Variants in OSBPL10 observed in about 807,000 individuals in gnomAD.
OSBPL10 encodes oxysterol binding protein like 10, also known as oxysterol-binding protein-related protein 10.
A neutral mutation model predicts 81.7 loss-of-function variants in OSBPL10; 49 were observed. The ratio of observed to expected loss-of-function variants is 0.60; its 90% CI spans 0.48 to 0.76. OSBPL10 has a LOEUF of 0.76. Among genes scored for constraint, OSBPL10 ranks in the 30% least tolerant of loss-of-function variants. OSBPL10 has a pLI of 0.00. For missense variants in OSBPL10, 923 were observed against 987.8 expected (o/e 0.93, Z 0.88); for synonymous variants, 419 against 383.6 (o/e 1.09, Z -1.08).
chr3:31,775,407 G>A (rs147803918), intron 4 of OSBPL10, among the ~76,000 whole-genome samples: 16 of 152,224 alleles, frequency 1.1e-4, no homozygotes, highest in African/African-American at 3.6e-4. Context: ...AAAGCTGTTG[G>A]AGTCCAGGAT....
At chr3:31,917,643 T>C (rs1295776319) in intron 1 of OSBPL10, among the ~76,000 whole-genome samples, 1 of 148,942 alleles carries the variant, frequency 6.7e-6, no homozygotes, top group Admixed American at 6.8e-5. Flanking sequence ...GCTGTTGAGA[T>C]AGGAAGGAGC....
chr3:31,777,639 T>C (rs1055987872), intron 4 of OSBPL10, among the ~76,000 whole-genome samples: 11 of 152,180 alleles, frequency 7.2e-5, no homozygotes, highest in African/African-American at 2.4e-4. Flanking sequence ...TTGAAAAACG[T>C]GGCCACTCTC....
intron 1 of OSBPL10, among the ~76,000 whole-genome samples, chr3:31,975,443 A>G (rs76673738): frequency 0.071 from 10,783 of 152,230 alleles, 647 homozygotes; most frequent in East Asian, 0.33. Context: ...TATATACCCC[A>G]GTGATGCTTT....
At chr3:31,965,998 A>T (rs1422432776) in intron 1 of OSBPL10, among the ~76,000 whole-genome samples, 3 of 86,084 alleles carry the variant, frequency 3.5e-5, no homozygotes, top group Non-Finnish European at 7.1e-5. Context: ...ATAAAATATA[A>T]TATATATATA....
intron 4 of OSBPL10, among the ~76,000 whole-genome samples, chr3:31,829,050 T>G (rs962613840): frequency 6.6e-6 from 1 of 152,218 alleles, no homozygotes; most frequent in African/African-American, 2.4e-5. Context: ...AGAACCAAGA[T>G]AGTCAGCTAA....
At chr3:31,989,643 A>G (rs6419811) in intron 2 of OSBPL10, 372,288 of 1,613,926 alleles carry the variant, frequency 0.23, 56,711 homozygotes, top group African/African-American at 0.7. Flanking sequence ...ATGCTTCCTC[A>G]GTTCTAACGT....
intron 4 of OSBPL10, among the ~76,000 whole-genome samples, chr3:31,752,233 T>C (rs1031387152): frequency 6.6e-6 from 1 of 152,144 alleles, no homozygotes. Context: ...AATTACGAAG[T>C]TTCAAATTAT....
At chr3:31,975,083 G>A (rs1408140502) in intron 1 of OSBPL10, among the ~76,000 whole-genome samples, 1 of 152,168 alleles carries the variant, frequency 6.6e-6, no homozygotes, top group Non-Finnish European at 1.5e-5. Flanking sequence ...TCAAAGGAGG[G>A]GGAGGGCAGA....
At chr3:32,042,430 T>G (rs1169308702) in intron 2 of OSBPL10, among the ~76,000 whole-genome samples, 1 of 152,230 alleles carries the variant, frequency 6.6e-6, no homozygotes, top group Non-Finnish European at 1.5e-5. Context: ...CAAAGTCTAT[T>G]CATCCTTAAA....
chr3:31,900,347 AC>A (rs1473620666), intron 1 of OSBPL10, among the ~76,000 whole-genome samples: 1 of 152,142 alleles, frequency 6.6e-6, no homozygotes, highest in Non-Finnish European at 1.5e-5. Context: ...CTTTTAAAAA[AC>A]AAACCATTTA....
At chr3:31,769,600 AT>A (rs1364855920) in intron 4 of OSBPL10, among the ~76,000 whole-genome samples, 1 of 144,882 alleles carries the variant, frequency 6.9e-6, no homozygotes, top group Non-Finnish European at 1.5e-5. Flanking sequence ...TTTATTAAAA[AT>A]ATATTTTTAT....
chr3:31,803,425 A>G (rs1237259739), intron 4 of OSBPL10, among the ~76,000 whole-genome samples: 1 of 152,220 alleles, frequency 6.6e-6, no homozygotes, highest in Non-Finnish European at 1.5e-5. Context: ...AGGGACGTTT[A>G]TAACCATCTT....
intron 2 of OSBPL10, among the ~76,000 whole-genome samples, chr3:32,003,444 C>G (rs2125534025): frequency 6.6e-6 from 1 of 152,318 alleles, no homozygotes. Context: ...TGCCCTGAAC[C>G]ATCCCATCCT....
intron 1 of OSBPL10, among the ~76,000 whole-genome samples, chr3:31,978,487 ATC>A (rs1698744052): frequency 6.6e-6 from 1 of 152,158 alleles, no homozygotes; most frequent in Non-Finnish European, 1.5e-5. Context: ...TCACTAATCC[ATC>A]TGTCCCTTCA....
intron 1 of OSBPL10, among the ~76,000 whole-genome samples, chr3:31,979,813 T>G (rs1698780237): frequency 6.6e-6 from 1 of 151,952 alleles, no homozygotes; most frequent in Non-Finnish European, 1.5e-5. Context: ...AAGTGCCTCC[T>G]GAGCCCCTTT....
intron 1 of OSBPL10, among the ~76,000 whole-genome samples, chr3:31,936,248 A>G (rs1158433484): frequency 6.6e-5 from 10 of 152,112 alleles, no homozygotes. Context: ...AAGGTACACC[A>G]GCAACTCTTA....
intron 7 of OSBPL10, among the ~76,000 whole-genome samples, chr3:31,697,529 A>G (rs1026495640): frequency 8.5e-5 from 13 of 152,266 alleles, no homozygotes; most frequent in African/African-American, 3.1e-4. Flanking sequence ...ATAAAAGAAT[A>G]AAACAAAATT....
chr3:31,916,299 T>C (rs1696756119), intron 1 of OSBPL10, among the ~76,000 whole-genome samples: 1 of 152,216 alleles, frequency 6.6e-6, no homozygotes, highest in South Asian at 2.1e-4. Flanking sequence ...GCATATTTTG[T>C]ACAGCTTCCT....
chr3:31,955,618 CTCTTT>C (rs1035565406), intron 1 of OSBPL10, among the ~76,000 whole-genome samples: 2 of 152,200 alleles, frequency 1.3e-5, no homozygotes, highest in Non-Finnish European at 2.9e-5. Context: ...ATCCTCTTCC[CTCTTT>C]TCTTTTTGCC....
Sources: gnomAD v4.1 joint callset for allele counts (sites outside exome capture counted in the v4.1 genomes callset) on GRCh38, gnomAD v4.1.1 for gene constraint, MANE v1.5 for transcripts, NCBI Gene and HGNC (gene_info 2026-07-23, HGNC 2026-07-21) for gene names.